The following KHDRBS2 variants were observed in gnomAD, a reference collection of about 807,000 sequenced individuals.
KHDRBS2 encodes KH RNA binding domain containing, signal transduction associated 2.
In KHDRBS2, 26 loss-of-function variants were observed where a neutral mutation model predicts 44.3. The observed-to-expected ratio is 0.59, with a 90% CI of 0.43 to 0.81. KHDRBS2 has a LOEUF of 0.81. Ranked by LOEUF, KHDRBS2 falls within the 40% of genes least tolerant of loss-of-function variation. The probability of loss-of-function intolerance (pLI) is 0.00; values close to 1 mark genes in which losing one functional copy is unlikely to be tolerated. For missense variants in KHDRBS2, 476 were observed against 433.1 expected (o/e 1.10, Z -0.88); for synonymous variants, 194 against 151.1 (o/e 1.28, Z -2.08).
chr6:62,084,156 G>A (rs928381594), intron 2 of KHDRBS2, among the ~76,000 whole-genome samples: 1 of 152,080 alleles, frequency 6.6e-6, no homozygotes, highest in Non-Finnish European at 1.5e-5. Context: ...GATGCTTCCT[G>A]TCTACCTTTG....
At position 62,267,095 on chromosome 6, in the gene KHDRBS2, T is replaced by C. The variant is rs1839335069; in HGVS notation, c.91+18763A>G. 2.6e-5 allele frequency among the ~76,000 whole-genome samples: 4 copies of C among 152,106 alleles called. No homozygotes were observed. In the South Asian group the frequency reaches 8.3e-4, roughly 32 times the overall value. ...GAGATTGCTGTTATCCTATGACCAGTCCTGTTCTCCTTTGCAACCCTTTTG... is the reference window on the plus strand; with the variant it reads ...GAGATTGCTGTTATCCTATGACCAGCCCTGTTCTCCTTTGCAACCCTTTTG... On this transcript the variant is annotated intron_variant, in intron 1 of 8. Transcript: ENST00000281156.
At chr6:61,927,031 C>G (rs956729255) in intron 4 of KHDRBS2, among the ~76,000 whole-genome samples, 3 of 152,012 alleles carry the variant, frequency 2.0e-5, no homozygotes, top group Non-Finnish European at 2.9e-5. Context: ...GGAGCAGGGT[C>G]TGATTGACCC....
chr6:61,604,108 T>A, the KHDRBS2 span, among the ~76,000 whole-genome samples: 2 of 152,326 alleles, frequency 1.3e-5, no homozygotes, highest in East Asian at 3.9e-4. Flanking sequence ...GCATCAATAT[T>A]TATATGACTC....
At chr6:61,875,875 A>G (rs1447035693) in intron 6 of KHDRBS2, among the ~76,000 whole-genome samples, 1 of 151,948 alleles carries the variant, frequency 6.6e-6, no homozygotes, top group Non-Finnish European at 1.5e-5. Flanking sequence ...TATTTATTAA[A>G]TTATTATTTT....
At chr6:61,774,123 G>A (rs1445350072) in intron 6 of KHDRBS2, among the ~76,000 whole-genome samples, 2 of 151,976 alleles carry the variant, frequency 1.3e-5, no homozygotes, top group Non-Finnish European at 2.9e-5. Context: ...ACTTGGCGAT[G>A]CAGGCTCTTT....
chr6:61,942,074 C>A (rs781282160), intron 4 of KHDRBS2, among the ~76,000 whole-genome samples: 1 of 151,592 alleles, frequency 6.6e-6, no homozygotes, highest in Non-Finnish European at 1.5e-5. Flanking sequence ...AATCCTTCCA[C>A]CTCAGCCTCC....
In KHDRBS2 at chr6:62,173,203, A is replaced by T. The variant is rs961657661; in HGVS notation, c.219+3982T>A. On this transcript the variant is annotated intron_variant, in intron 2 of 8. Coordinates refer to ENST00000281156, the MANE Select transcript of KHDRBS2 (RefSeq NM_152688.4). ...ACTAGCTAGACTAATAAAGAAAAAA[A>T]AAAAAGAGATGATCCAAGTAAACAT... Among the ~76,000 whole-genome samples the T allele has an allele frequency of 7.8e-4, 118 of 151,962 alleles. 1 individual carries two copies. Among genetic ancestry groups the T allele is most frequent in the Non-Finnish European group, 7.4e-5 (5 of 67,936 alleles).
intron 6 of KHDRBS2, among the ~76,000 whole-genome samples, chr6:61,751,906 T>C (rs1362839538): frequency 6.6e-6 from 1 of 150,544 alleles, no homozygotes; most frequent in Non-Finnish European, 1.5e-5. Flanking sequence ...CTTCTCATTG[T>C]GTCATCACTT....
chr6:61,956,734 T>G (rs1767417599), intron 4 of KHDRBS2, among the ~76,000 whole-genome samples: 1 of 152,282 alleles, frequency 6.6e-6, no homozygotes, highest in Non-Finnish European at 1.5e-5. Flanking sequence ...TCTTTCTGGC[T>G]TCTCCACATA....
chr6:62,281,303 T>A (rs1479949991), intron 1 of KHDRBS2, among the ~76,000 whole-genome samples: 1 of 152,174 alleles, frequency 6.6e-6, no homozygotes, highest in Non-Finnish European at 1.5e-5. Context: ...TTTGTTTAAT[T>A]TCTGCTTATA....
chr6:62,250,794 A>G (rs1490167704), intron 1 of KHDRBS2, among the ~76,000 whole-genome samples: 1 of 152,086 alleles, frequency 6.6e-6, no homozygotes, highest in Admixed American at 6.6e-5. Flanking sequence ...ATTACAAAAG[A>G]AATAAGGAAG....
At chr6:61,988,074 C>T (rs945980848) in intron 3 of KHDRBS2, among the ~76,000 whole-genome samples, 3 of 152,142 alleles carry the variant, frequency 2.0e-5, no homozygotes, top group African/African-American at 7.2e-5. Flanking sequence ...GTGATTAGTG[C>T]CAAACACAAG....
intron 7 of KHDRBS2, among the ~76,000 whole-genome samples, chr6:61,723,233 G>C (rs1377153757): frequency 1.3e-5 from 2 of 151,864 alleles, no homozygotes; most frequent in Non-Finnish European, 2.9e-5. Context: ...CCATTCAATG[G>C]TTTGCAACCT....
chr6:61,852,488 CGGGA>C (rs1795579947), intron 6 of KHDRBS2, among the ~76,000 whole-genome samples: 1 of 150,094 alleles, frequency 6.7e-6, no homozygotes, highest in South Asian at 2.1e-4. Flanking sequence ...CATTTGAACC[CGGGA>C]GGCAGAGGCT....
At chr6:61,914,669 T>C (rs1434225570) in intron 4 of KHDRBS2, among the ~76,000 whole-genome samples, 12 of 152,124 alleles carry the variant, frequency 7.9e-5, no homozygotes. Flanking sequence ...AATAATACTT[T>C]TTAAAAAGCA....
At chr6:62,111,006 T>C (rs1443309395) in intron 2 of KHDRBS2, among the ~76,000 whole-genome samples, 3 of 152,140 alleles carry the variant, frequency 2.0e-5, no homozygotes, top group East Asian at 1.9e-4. Flanking sequence ...CCATTAAATA[T>C]ATAAAGTAAG....
intron 3 of KHDRBS2, among the ~76,000 whole-genome samples, chr6:62,021,698 C>A (rs1042378309): frequency 3.3e-5 from 5 of 151,470 alleles, no homozygotes; most frequent in Non-Finnish European, 5.9e-5. Context: ...CCAGGAAAAT[C>A]AAAGATCTTT....
intron 1 of KHDRBS2, among the ~76,000 whole-genome samples, chr6:62,246,929 G>A (rs932159907): frequency 4.1e-4 from 62 of 151,998 alleles, no homozygotes; most frequent in African/African-American, 1.4e-3. Context: ...TATAAAACAT[G>A]TTGACTGCCA....
the KHDRBS2 span, among the ~76,000 whole-genome samples, chr6:61,547,210 T>A: frequency 6.6e-6 from 1 of 152,126 alleles, no homozygotes; most frequent in Admixed American, 6.6e-5. Flanking sequence ...CAATGTTGAA[T>A]CAAACAACGT....
Sources: allele counts gnomAD v4.1 joint callset (sites outside exome capture counted in the v4.1 genomes callset), GRCh38; gene constraint gnomAD v4.1.1; transcripts MANE v1.5; gene names NCBI Gene and HGNC (gene_info 2026-07-23, HGNC 2026-07-21).